HTRA1: variants seen among roughly 807,000 people sequenced by gnomAD.
HTRA1 encodes the protein HtrA serine peptidase 1.
Under a neutral mutation model 49.7 loss-of-function variants are expected in HTRA1, and 26 were observed. That is an observed-to-expected ratio of 0.52 (90% CI 0.38 to 0.73). The LOEUF (loss-of-function observed/expected upper bound fraction) is 0.73, where lower values mean the gene tolerates loss of function less well. Among genes scored for constraint, HTRA1 ranks in the 30% least tolerant of loss-of-function variants. HTRA1 has a pLI of 0.00. For synonymous variants in HTRA1, 291 were observed against 286.9 expected (o/e 1.01, Z -0.14); for missense variants, 561 against 667.2 (o/e 0.84, Z 1.75).
chr10:122,485,524 T>G (rs2097492719), intron 1 of HTRA1, among the ~76,000 whole-genome samples: 1 of 152,188 alleles, frequency 6.6e-6, no homozygotes, highest in African/African-American at 2.4e-5. Flanking sequence ...CCAGAGGCAT[T>G]TGGTCCATCT....
intron 1 of HTRA1, among the ~76,000 whole-genome samples, chr10:122,463,706 A>G (rs1016203782): frequency 6.6e-6 from 1 of 152,200 alleles, no homozygotes. Flanking sequence ...TAAGGTTGAA[A>G]AACTTGCCCA....
chr10:122,462,215 C>A, intron 1 of HTRA1, 91 bp downstream of exon 1: 1 of 1,160,394 alleles, frequency 8.6e-7, no homozygotes, highest in Non-Finnish European at 1.2e-6. Context: ...TGAGGGGCAG[C>A]GAAGCGTTGT....
At chr10:122,495,438 A>G (rs1033397611) in intron 3 of HTRA1, among the ~76,000 whole-genome samples, 1 of 152,122 alleles carries the variant, frequency 6.6e-6, no homozygotes, top group Non-Finnish European at 1.5e-5. Context: ...GTGAAGCCAG[A>G]CAGTGAAGTA....
chr10:122,479,997 C>T (rs2133431730), intron 1 of HTRA1, among the ~76,000 whole-genome samples: 1 of 152,174 alleles, frequency 6.6e-6, no homozygotes, highest in Non-Finnish European at 1.5e-5. Flanking sequence ...GGGCTGAGAG[C>T]TGGGAGACGG....
intron 1 of HTRA1, among the ~76,000 whole-genome samples, chr10:122,475,700 C>T (rs917889796): frequency 6.6e-6 from 1 of 152,206 alleles, no homozygotes. Context: ...ATTGTCCTTC[C>T]TGTGCATTTT....
intron 1 of HTRA1, among the ~76,000 whole-genome samples, chr10:122,477,322 T>C (rs1462173320): frequency 2.6e-5 from 4 of 152,036 alleles, no homozygotes; most frequent in Non-Finnish European, 4.4e-5. Flanking sequence ...CAAAGAAATA[T>C]AAGATGAGCC....
chr10:122,469,874 G>A (rs904916685), intron 1 of HTRA1, among the ~76,000 whole-genome samples: 1 of 152,174 alleles, frequency 6.6e-6, no homozygotes, highest in Non-Finnish European at 1.5e-5. Context: ...AATATTTGGT[G>A]GGTGTTTCCA....
chr10:122,489,138 C>A, intron 2 of HTRA1, 137 bp downstream of exon 2: 1 of 753,992 alleles, frequency 1.3e-6, no homozygotes, highest in South Asian at 1.5e-5. Context: ...GTGTGTCTCC[C>A]TTAGAACATT....
intron 3 of HTRA1, among the ~76,000 whole-genome samples, chr10:122,492,778 G>T (rs961861418): frequency 6.6e-6 from 1 of 152,106 alleles, no homozygotes; most frequent in African/African-American, 2.4e-5. Context: ...GCGTAGGTGG[G>T]ACCATCAGTC....
chr10:122,491,547 A>G (rs181993084), intron 3 of HTRA1, among the ~76,000 whole-genome samples: 389 of 152,320 alleles, frequency 2.6e-3, no homozygotes, highest in African/African-American at 8.9e-3. Context: ...CCCACTGCGT[A>G]ACTTCGTGTT....
intron 3 of HTRA1, among the ~76,000 whole-genome samples, chr10:122,497,843 C>G (rs1207600924): frequency 4.6e-5 from 7 of 152,188 alleles, no homozygotes; most frequent in Non-Finnish European, 1.0e-4. Context: ...CAGCATCAGC[C>G]ACTCTGAAGT....
At chr10:122,497,416 TC>T (rs774082063) in intron 3 of HTRA1, among the ~76,000 whole-genome samples, 4 of 152,220 alleles carry the variant, frequency 2.6e-5, no homozygotes, top group Admixed American at 6.5e-5. Flanking sequence ...CTGGGCAACT[TC>T]CCTGCATTTG....
rs1410509284 is a variant in HTRA1 at position 122,466,296 on chromosome 10, G to T, written c.472+4172G>T. ...TTCTCCTGCCTTAGCCTCCAGAGTA[G>T]CTGGGACTACAGGCACCCGCCACCA... On this transcript the variant is annotated intron_variant, in intron 1 of 8. Coordinates refer to ENST00000368984, the MANE Select transcript of HTRA1 (RefSeq NM_002775.5). Among the ~76,000 whole-genome samples, 7 of 152,210 alleles carry T rather than the reference G, an allele frequency of 4.6e-5. No individual in the cohort carries two copies. The East Asian group carries it at 1.4e-3, about 29-fold the overall frequency.
intron 1 of HTRA1, among the ~76,000 whole-genome samples, chr10:122,468,159 G>A (rs192702119): frequency 1.1e-3 from 172 of 152,352 alleles, no homozygotes; most frequent in Middle Eastern, 3.4e-3. Context: ...GTGGTAGATA[G>A]TATGATGCTC....
rs2097497473 is a variant in HTRA1 at position 122,494,286 on chromosome 10, G to A, written c.777+4660G>A. On this transcript the variant is annotated intron_variant, in intron 3 of 8. Transcript: ENST00000368984. The surrounding 1 kb of genome is among the most constrained non-coding windows in gnomAD (Gnocchi z 4.0). ...TGCTTGGCAACCTTGTTCAGAGTAG[G>A]ACGTTCACAGCTGTCTGCCCCGGAG... 6.6e-6 allele frequency among the ~76,000 whole-genome samples: 1 copy of A among 152,194 alleles called. No individual in the cohort carries two copies. The highest frequency in any genetic ancestry group is 1.5e-5 in the Non-Finnish European group (1 of 68,026).
rs114682683 is a variant in HTRA1, at chr10:122,473,922, A to T, written c.472+11798A>T. ...CATTATTTCATTCCATTTTATGATT[A>T]AAAATATGCCTTTTAAGGGATACAG... is the stretch of plus-strand genomic sequence containing the variant. On this transcript the variant is annotated intron_variant, in intron 1 of 8. Transcript: ENST00000368984. 5.1e-3 allele frequency among the ~76,000 whole-genome samples: 784 copies of T among 152,296 alleles called. 4 individuals are homozygous for T. Among genetic ancestry groups the T allele is most frequent in the African/African-American group, 0.018 (756 of 41,546 alleles).
Position 122,514,467 on chromosome 10 carries a change from T to A in HTRA1, c.*108T>A, listed in dbSNP as rs2097507044. 3 of 1,134,490 alleles carry A rather than the reference T, an allele frequency of 2.6e-6. No homozygotes were observed. The South Asian group carries it at 3.8e-5, about 14-fold the overall frequency. The allele number at this position is 1,134,490 out of a possible 1,614,324, so 70.3% of individuals were successfully genotyped here. A position where few individuals can be genotyped will look rare whatever the true frequency, so the allele number is the denominator to read the frequency against. On this transcript the variant is annotated 3_prime_UTR_variant, in exon 9 of 9. Transcript: ENST00000368984. Reference sequence around the variant, plus strand: ...GACACTCAAGACTTTTGACTGCCATTTTGTTTGTTCAGTGGAGACTCCCTG... The same window carrying A: ...GACACTCAAGACTTTTGACTGCCATATTGTTTGTTCAGTGGAGACTCCCTG...
chr10:122,512,264 C>G (rs1228193524), intron 8 of HTRA1, among the ~76,000 whole-genome samples, 199 bp downstream of exon 8: 1 of 152,086 alleles, frequency 6.6e-6, no homozygotes, highest in African/African-American at 2.4e-5. Context: ...TAGGAGGGTG[C>G]CTTCTGTCTT....
Position 122,461,662 on chromosome 10 carries a change from C to T in HTRA1, c.10C>T (p.Pro4Ser), listed in dbSNP as rs1325725955. MQI[P>S]RAALLPLLLL... The stretch of plus-strand genomic sequence containing the variant: ...CGCCGCCAGAGTCGCCATGCAGATC[C>T]CGCGCGCCGCTCTTCTCCCGCTGCT... The change falls in exon 1 of 9, where the codon CCG becomes TCG. Residue 4 changes from proline (P) to serine (S), a missense_variant. This residue lies in a region of HTRA1 where 111 missense variants were observed against 83.7 expected (regional missense o/e 1.33). Coordinates refer to ENST00000368984, the MANE Select transcript of HTRA1 (RefSeq NM_002775.5). The T allele has an allele frequency of 6.0e-5, 79 of 1,313,662 alleles. No individual in the cohort carries two copies. The highest frequency in any genetic ancestry group is 7.8e-5 in the Non-Finnish European group (79 of 1,016,340). The allele number at this position is 1,313,662 out of a possible 1,614,324, so 81.4% of individuals were successfully genotyped here. A position where few individuals can be genotyped will look rare whatever the true frequency, so the allele number is the denominator to read the frequency against.
Sources: gnomAD v4.1 joint callset for allele counts (sites outside exome capture counted in the v4.1 genomes callset) on GRCh38, gnomAD v4.1.1 for gene constraint, gnomAD v4.1.1 regional missense constraint, Gnocchi (gnomAD v3.1) non-coding constraint, MANE v1.5 for transcripts, NCBI Gene and HGNC (gene_info 2026-07-23, HGNC 2026-07-21) for gene names.